The following SRGAP1 variants were observed in gnomAD, a reference collection of about 807,000 sequenced individuals.
The protein encoded by SRGAP1 is SLIT-ROBO Rho GTPase activating protein 1, also known as SLIT-ROBO Rho GTPase-activating protein 1.
SRGAP1 carries 43 observed loss-of-function variants against 121.9 expected under a neutral mutation model. The observed-to-expected ratio is 0.35, with a 90% CI of 0.28 to 0.46. The LOEUF is 0.46. Among genes scored for constraint, SRGAP1 ranks in the 20% least tolerant of loss-of-function variants. The probability of loss-of-function intolerance (pLI) is 1.00; values close to 1 mark genes in which losing one functional copy is unlikely to be tolerated. For missense variants in SRGAP1, 1,102 were observed against 1,350.9 expected (o/e 0.82, Z 2.89); for synonymous variants, 447 against 485.4 (o/e 0.92, Z 1.04).
At chr12:63,970,492 C>T (rs2032914735) in intron 1 of SRGAP1, among the ~76,000 whole-genome samples, 1 of 152,100 alleles carries the variant, frequency 6.6e-6, no homozygotes, top group Non-Finnish European at 1.5e-5. Flanking sequence ...TTCTGCAATG[C>T]TGCTTTGTTG....
chr12:63,946,130 C>T (rs1397925447), intron 1 of SRGAP1, among the ~76,000 whole-genome samples: 2 of 152,204 alleles, frequency 1.3e-5, no homozygotes, highest in Non-Finnish European at 2.9e-5. Context: ...TTTTTCTCTA[C>T]ACTGCATTAT....
chr12:64,130,227 T>C (rs1404375564), intron 21 of SRGAP1, among the ~76,000 whole-genome samples: 2 of 152,192 alleles, frequency 1.3e-5, no homozygotes, highest in Non-Finnish European at 2.9e-5. Context: ...GTCAGTCACC[T>C]TAGCCAACAC....
intron 6 of SRGAP1, among the ~76,000 whole-genome samples, chr12:64,045,585 G>A (rs553465172): frequency 3.9e-5 from 6 of 151,988 alleles, no homozygotes; most frequent in East Asian, 1.9e-4. Flanking sequence ...ACAGGCGTGC[G>A]CAACCACACC....
At chr12:63,857,117 T>C (rs1471543664) in intron 1 of SRGAP1, among the ~76,000 whole-genome samples, 3 of 137,542 alleles carry the variant, frequency 2.2e-5, no homozygotes, top group Non-Finnish European at 4.6e-5. Context: ...GGAGTTTCGC[T>C]TACCCAGGCT....
chr12:63,870,602 A>G (rs1041102578), intron 1 of SRGAP1, among the ~76,000 whole-genome samples: 1 of 137,972 alleles, frequency 7.2e-6, no homozygotes, highest in African/African-American at 2.8e-5. Flanking sequence ...CAATGGTGCG[A>G]TCTCAGCTGT....
At chr12:64,079,562 T>G (rs1315147420) in intron 9 of SRGAP1, among the ~76,000 whole-genome samples, 1 of 151,754 alleles carries the variant, frequency 6.6e-6, no homozygotes, top group Non-Finnish European at 1.5e-5. Flanking sequence ...GATGTGCAAT[T>G]GTAGTCCTAG....
At chr12:63,937,829 T>G (rs2031716875) in intron 1 of SRGAP1, among the ~76,000 whole-genome samples, 2 of 152,248 alleles carry the variant, frequency 1.3e-5, no homozygotes, top group South Asian at 4.1e-4. Context: ...TTCTTTATTC[T>G]TTTTACCCAC....
At chr12:63,904,233 T>A (rs1306665982) in intron 1 of SRGAP1, among the ~76,000 whole-genome samples, 1 of 152,198 alleles carries the variant, frequency 6.6e-6, no homozygotes, top group Non-Finnish European at 1.5e-5. Context: ...GCCCACCTTC[T>A]AAAGACTATA....
chr12:63,901,684 C>G (rs1057011873), intron 1 of SRGAP1, among the ~76,000 whole-genome samples: 10 of 152,214 alleles, frequency 6.6e-5, no homozygotes, highest in African/African-American at 2.4e-4. Context: ...ATGGGACAAA[C>G]TGCTACTAAC....
chr12:63,973,906 G>C (rs1018307290), intron 1 of SRGAP1, among the ~76,000 whole-genome samples: 21 of 152,272 alleles, frequency 1.4e-4, no homozygotes, highest in African/African-American at 5.1e-4. Flanking sequence ...CAAATGCCTT[G>C]AACCTTTGTC....
chr12:64,005,979 C>T (rs922481762), intron 3 of SRGAP1, among the ~76,000 whole-genome samples: 2 of 152,092 alleles, frequency 1.3e-5, no homozygotes, highest in Non-Finnish European at 2.9e-5. Context: ...TCAACTGGTA[C>T]CCCCATAGGA....
At chr12:63,908,731 C>T (rs764501171) in intron 1 of SRGAP1, among the ~76,000 whole-genome samples, 24 of 152,156 alleles carry the variant, frequency 1.6e-4, no homozygotes, top group Non-Finnish European at 8.8e-5. Context: ...TTACTTCGTT[C>T]TTTTTGCTGC....
chr12:64,005,663 T>TA (rs551471462), intron 3 of SRGAP1, among the ~76,000 whole-genome samples: 40 of 151,630 alleles, frequency 2.6e-4, no homozygotes, highest in Middle Eastern at 6.8e-3. Context: ...AAAATAAAAA[T>TA]AAAAAAAAGT....
intron 1 of SRGAP1, chr12:63,871,660 G>T: frequency 1.6e-6 from 1 of 623,174 alleles, no homozygotes; most frequent in Non-Finnish European, 2.8e-6. Context: ...CATAAGAATA[G>T]CGCTGTATTT....
intron 3 of SRGAP1, among the ~76,000 whole-genome samples, chr12:63,990,422 C>T (rs1045319861): frequency 2.6e-5 from 4 of 152,110 alleles, no homozygotes; most frequent in African/African-American, 9.7e-5. Flanking sequence ...GTCCCAGCTA[C>T]TTGGGAGGCT....
At chr12:64,057,294 G>A (rs1259711538) in intron 6 of SRGAP1, among the ~76,000 whole-genome samples, 2 of 152,126 alleles carry the variant, frequency 1.3e-5, no homozygotes, top group African/African-American at 2.4e-5. Context: ...ACAACAAGAA[G>A]AGTTAAATTG....
At chr12:63,958,162 G>A (rs954828883) in intron 1 of SRGAP1, among the ~76,000 whole-genome samples, 1 of 152,210 alleles carries the variant, frequency 6.6e-6, no homozygotes, top group African/African-American at 2.4e-5. Context: ...GAACATGCTT[G>A]ATAGGGAATA....
intron 15 of SRGAP1, among the ~76,000 whole-genome samples, chr12:64,099,858 A>G (rs991531977): frequency 1.3e-5 from 2 of 152,156 alleles, no homozygotes; most frequent in Non-Finnish European, 2.9e-5. Context: ...GTCAGTTACC[A>G]TTATAGAATC....
chr12:64,059,925 T>C (rs1265569585), intron 6 of SRGAP1, among the ~76,000 whole-genome samples: 1 of 152,194 alleles, frequency 6.6e-6, no homozygotes, highest in African/African-American at 2.4e-5. Flanking sequence ...AGCTACTTTC[T>C]GTTTTTTTAA....
Sources: gnomAD v4.1 joint callset for allele counts (sites outside exome capture counted in the v4.1 genomes callset) on GRCh38, gnomAD v4.1.1 for gene constraint, MANE v1.5 for transcripts, NCBI Gene and HGNC (gene_info 2026-07-23, HGNC 2026-07-21) for gene names.